Variants in FAM20B observed in about 807,000 individuals in gnomAD.
FAM20B encodes the protein glycosaminoglycan xylosylkinase.
Under a neutral mutation model 43.8 loss-of-function variants are expected in FAM20B, and 23 were observed. That is an observed-to-expected ratio of 0.53 (90% CI 0.38 to 0.74). The LOEUF is 0.74. Ranked by LOEUF, FAM20B falls within the 30% of genes least tolerant of loss-of-function variation. FAM20B has a pLI of 0.00. For missense variants in FAM20B, 440 were observed against 510.5 expected (o/e 0.86, Z 1.33); for synonymous variants, 178 against 192.4 (o/e 0.93, Z 0.62).
intron 1 of FAM20B, among the ~76,000 whole-genome samples, chr1:179,029,663 A>T (rs2102480103): frequency 6.6e-6 from 1 of 152,318 alleles, no homozygotes; most frequent in Non-Finnish European, 1.5e-5. Flanking sequence ...CACGTTATAA[A>T]GGCAGGTCAA....
chr1:179,054,390 G>A (rs74823172), intron 3 of FAM20B, 139 bp from the exon 4 acceptor site: 29,338 of 538,348 alleles, frequency 0.054, 953 homozygotes, highest in South Asian at 0.073. Context: ...CTAAATATAT[G>A]TACCTCTAAA....
intron 1 of FAM20B, among the ~76,000 whole-genome samples, 179 bp from the exon 2 acceptor site, chr1:179,043,536 G>T (rs1238219971): frequency 6.6e-6 from 1 of 152,122 alleles, no homozygotes; most frequent in East Asian, 1.9e-4. Context: ...GCTCCAGTTG[G>T]GCCACTGCTG....
chr1:179,021,751 G>A (rs1013087264), upstream of FAM20B, among the ~76,000 whole-genome samples: 8 of 152,258 alleles, frequency 5.3e-5, no homozygotes, highest in East Asian at 1.9e-4. Context: ...AAAACATCCC[G>A]TATTACTTTT....
At chr1:179,039,352 C>T (rs1650382377) in intron 1 of FAM20B, among the ~76,000 whole-genome samples, 1 of 152,158 alleles carries the variant, frequency 6.6e-6, no homozygotes, top group African/African-American at 2.4e-5. Context: ...TTAAGAATTG[C>T]CCAGAGTGTG....
At chr1:179,051,845 A>G (rs1014715925) in intron 3 of FAM20B, among the ~76,000 whole-genome samples, 1 of 151,968 alleles carries the variant, frequency 6.6e-6, no homozygotes, top group African/African-American at 2.4e-5. Context: ...ACGGGGTTTC[A>G]CCATGTTGGC....
intron 1 of FAM20B, among the ~76,000 whole-genome samples, chr1:179,028,948 C>T (rs1055409109): frequency 2.0e-5 from 3 of 152,174 alleles, no homozygotes; most frequent in East Asian, 3.8e-4. Flanking sequence ...TCAAAATATT[C>T]TGTAGAGGTG....
chr1:179,039,726 T>C, intron 1 of FAM20B, among the ~76,000 whole-genome samples: 1 of 128,304 alleles, frequency 7.8e-6, no homozygotes, highest in South Asian at 2.6e-4. Flanking sequence ...TGTGGCATTT[T>C]ATTTATTTAT....
chr1:179,029,377 A>T (rs1460401661), intron 1 of FAM20B, among the ~76,000 whole-genome samples: 2 of 152,264 alleles, frequency 1.3e-5, no homozygotes, highest in African/African-American at 4.8e-5. Flanking sequence ...GCTTCTGACT[A>T]ACTTACAATG....
intron 2 of FAM20B, among the ~76,000 whole-genome samples, chr1:179,048,156 T>TA (rs1650858278): frequency 2.0e-5 from 3 of 152,214 alleles, no homozygotes; most frequent in East Asian, 3.9e-4. Context: ...AAACAGCAGT[T>TA]ATGTTGGAAA....
At chr1:179,037,725 G>T (rs926580884) in intron 1 of FAM20B, among the ~76,000 whole-genome samples, 2 of 152,020 alleles carry the variant, frequency 1.3e-5, no homozygotes, top group Non-Finnish European at 2.9e-5. Flanking sequence ...GACCTCAGGT[G>T]ATCTGCCTGC....
At chr1:179,050,488 T>G in intron 3 of FAM20B, 123 bp downstream of exon 3, 1 of 666,010 alleles carries the variant, frequency 1.5e-6, no homozygotes, top group Non-Finnish European at 2.7e-6. Context: ...CGATTTTAGA[T>G]AGCTAATTGA....
chr1:179,035,359 G>T (rs925601214), intron 1 of FAM20B: 3 of 699,534 alleles, frequency 4.3e-6, no homozygotes, highest in Admixed American at 1.8e-5. Context: ...TCTAAATCGG[G>T]GTAGGGGTGT....
intron 1 of FAM20B, among the ~76,000 whole-genome samples, chr1:179,034,145 G>C (rs998980782): frequency 2.0e-5 from 3 of 152,168 alleles, no homozygotes; most frequent in African/African-American, 4.8e-5. Flanking sequence ...CACTTCACCT[G>C]GGGTGACCAG....
chr1:179,024,185 C>A (rs926858335), upstream of FAM20B, among the ~76,000 whole-genome samples: 2 of 152,104 alleles, frequency 1.3e-5, no homozygotes, highest in East Asian at 1.9e-4. Flanking sequence ...TAGATGGATG[C>A]GAAATTAAGC....
intron 1 of FAM20B, among the ~76,000 whole-genome samples, chr1:179,041,825 A>AT (rs1321986694): frequency 6.6e-6 from 1 of 152,156 alleles, no homozygotes; most frequent in Non-Finnish European, 1.5e-5. Flanking sequence ...TGAGAACCAA[A>AT]TACTGGTGGT....
chr1:179,030,022 T>C (rs1649942302), intron 1 of FAM20B, among the ~76,000 whole-genome samples: 1 of 152,208 alleles, frequency 6.6e-6, no homozygotes, highest in African/African-American at 2.4e-5. Flanking sequence ...CTTCTTTCAG[T>C]GGTGGAAAGC....
chr1:179,040,608 G>T (rs1475105464), intron 1 of FAM20B, among the ~76,000 whole-genome samples: 2 of 124,886 alleles, frequency 1.6e-5, no homozygotes, highest in Non-Finnish European at 3.6e-5. Context: ...CCCAGTAGGG[G>T]CGGCCGGGCA....
upstream of FAM20B, among the ~76,000 whole-genome samples, chr1:179,022,604 A>T (rs1235981519): frequency 6.6e-6 from 1 of 152,192 alleles, no homozygotes; most frequent in Admixed American, 6.5e-5. Flanking sequence ...GGAAATTCTG[A>T]AACAGTTTAA....
intron 2 of FAM20B, among the ~76,000 whole-genome samples, chr1:179,046,132 C>T (rs1320458984): frequency 1.3e-5 from 2 of 152,152 alleles, no homozygotes; most frequent in African/African-American, 4.8e-5. Flanking sequence ...ATCAGTGGTA[C>T]AGAAGTTTGA....
Sources: allele counts gnomAD v4.1 joint callset (sites outside exome capture counted in the v4.1 genomes callset), GRCh38; gene constraint gnomAD v4.1.1; transcripts MANE v1.5; gene names NCBI Gene and HGNC (gene_info 2026-07-23, HGNC 2026-07-21).